LARGE1: variants seen among roughly 807,000 people sequenced by gnomAD.
LARGE1 encodes LARGE xylosyl- and glucuronyltransferase 1, also known as xylosyl- and glucuronyltransferase LARGE1.
In LARGE1, 43 loss-of-function variants were observed where a neutral mutation model predicts 87.6. The ratio of observed to expected loss-of-function variants is 0.49; its 90% CI spans 0.38 to 0.63. The LOEUF is 0.63. Among genes scored for constraint, LARGE1 ranks in the 30% least tolerant of loss-of-function variants. LARGE1 has a pLI of 0.00. For missense variants in LARGE1, 802 were observed against 1,000.2 expected (o/e 0.80, Z 2.67); for synonymous variants, 434 against 394.6 (o/e 1.10, Z -1.18).
intron 1 of LARGE1, among the ~76,000 whole-genome samples, chr22:33,774,278 T>TA (rs1289730892): frequency 5.9e-5 from 9 of 152,250 alleles, no homozygotes; most frequent in Non-Finnish European, 4.4e-5. Flanking sequence ...TGGCCACTCT[T>TA]ACAAAACTTA....
At chr22:33,094,272 T>C in the LARGE1 span, among the ~76,000 whole-genome samples, 1 of 152,086 alleles carries the variant, frequency 6.6e-6, no homozygotes, top group Non-Finnish European at 1.5e-5. Flanking sequence ...AATCGAGCCC[T>C]CTTCTCCACT....
intron 11 of LARGE1, among the ~76,000 whole-genome samples, chr22:33,191,626 G>C (rs1923784094): frequency 6.6e-6 from 1 of 152,192 alleles, no homozygotes; most frequent in African/African-American, 2.4e-5. Context: ...AGTTACAGGT[G>C]CTGTTGAAAT....
chr22:33,226,875 G>T (rs1033873533), intron 11 of LARGE1, among the ~76,000 whole-genome samples: 4 of 151,946 alleles, frequency 2.6e-5, no homozygotes, highest in Admixed American at 1.3e-4. Flanking sequence ...GACTACAGGC[G>T]CCTGCCGCCG....
At chr22:33,201,803 C>T (rs1019890863) in intron 11 of LARGE1, among the ~76,000 whole-genome samples, 2 of 152,116 alleles carry the variant, frequency 1.3e-5, no homozygotes, top group East Asian at 1.9e-4. Context: ...TCCGCTGAAG[C>T]GTTTTGAGCA....
intron 1 of LARGE1, among the ~76,000 whole-genome samples, chr22:33,853,381 CT>C (rs1198838369): frequency 2.0e-5 from 3 of 152,200 alleles, no homozygotes; most frequent in Non-Finnish European, 2.9e-5. Context: ...TCCATGCCAA[CT>C]TGCAAAGTGT....
chr22:33,880,032 G>A (rs1372480777), intron 1 of LARGE1, among the ~76,000 whole-genome samples: 1 of 152,202 alleles, frequency 6.6e-6, no homozygotes, highest in Non-Finnish European at 1.5e-5. Context: ...CTTGCATGGA[G>A]AGAGGCCAAG....
chr22:33,198,858 T>A (rs73395965), intron 11 of LARGE1, among the ~76,000 whole-genome samples: 4,739 of 152,302 alleles, frequency 0.031, 255 homozygotes, highest in African/African-American at 0.11. Flanking sequence ...CCTTTGGGTA[T>A]ATACCCAGTA....
intron 2 of LARGE1, among the ~76,000 whole-genome samples, chr22:33,675,358 A>G (rs952053151): frequency 1.3e-5 from 2 of 149,330 alleles, no homozygotes; most frequent in African/African-American, 2.4e-5. Flanking sequence ...GGTTCAGGAA[A>G]GGCATGCCTG....
rs5749608 is a variant in LARGE1, at chr22:33,374,579, G to C, written c.1131+7340C>G. On this transcript the variant is annotated intron_variant, in intron 9 of 14. Coordinates refer to ENST00000397394, the MANE Select transcript of LARGE1 (RefSeq NM_133642.5). ...TCCATGAATCAAAATTCTAACTTAA[G>C]TTTTATTGACCTGAAATTAACTTTT... Among the ~76,000 whole-genome samples, 35 of 152,148 alleles carry C rather than the reference G, an allele frequency of 2.3e-4. No individual in the cohort carries two copies. The East Asian group carries it at 6.6e-3, about 29-fold the overall frequency.
At chr22:33,770,758 A>T (rs976600619) in intron 1 of LARGE1, among the ~76,000 whole-genome samples, 5 of 152,150 alleles carry the variant, frequency 3.3e-5, no homozygotes, top group Admixed American at 1.3e-4. Context: ...TTAAAAAAAA[A>T]TTTTATGTGT....
intron 6 of LARGE1, among the ~76,000 whole-genome samples, chr22:33,560,989 T>G (rs1430236075): frequency 6.6e-6 from 1 of 152,128 alleles, no homozygotes; most frequent in Non-Finnish European, 1.5e-5. Context: ...TAATTTTTTG[T>G]ATTTTTAGTA....
intron 4 of LARGE1, among the ~76,000 whole-genome samples, chr22:33,611,253 T>C (rs2079420219): frequency 6.6e-6 from 1 of 151,974 alleles, no homozygotes; most frequent in South Asian, 2.1e-4. Context: ...TGCACCTTTG[T>C]GCTTGGAAAA....
chr22:33,694,821 G>C (rs1395332977), intron 2 of LARGE1, among the ~76,000 whole-genome samples: 1 of 152,162 alleles, frequency 6.6e-6, no homozygotes, highest in Non-Finnish European at 1.5e-5. Flanking sequence ...TCTAAAAGAT[G>C]ACTAGTGGTC....
intron 11 of LARGE1, among the ~76,000 whole-genome samples, chr22:33,304,756 T>C (rs1934641623): frequency 6.6e-6 from 1 of 152,210 alleles, no homozygotes; most frequent in Non-Finnish European, 1.5e-5. Flanking sequence ...CTATAAGCCT[T>C]GGACTCCTCG....
intron 5 of LARGE1, among the ~76,000 whole-genome samples, chr22:33,596,520 G>C (rs534819493): frequency 1.3e-5 from 2 of 152,134 alleles, no homozygotes; most frequent in Non-Finnish European, 2.9e-5. Flanking sequence ...AATTTTTCCA[G>C]ACCTGCGCAT....
intron 10 of LARGE1, among the ~76,000 whole-genome samples, chr22:33,330,020 C>A (rs58327654): frequency 0.093 from 14,005 of 151,182 alleles, 1,669 homozygotes; most frequent in African/African-American, 0.28. Flanking sequence ...CAAAAAAAAA[C>A]CCAACAAAAC....
chr22:33,116,599 G>A, the LARGE1 span, among the ~76,000 whole-genome samples: 3 of 151,548 alleles, frequency 2.0e-5, no homozygotes, highest in South Asian at 4.2e-4. Flanking sequence ...TCCTGACCTC[G>A]TGATCCGCCC....
intron 9 of LARGE1, among the ~76,000 whole-genome samples, chr22:33,350,521 G>A (rs1940264763): frequency 1.3e-5 from 2 of 152,186 alleles, no homozygotes; most frequent in South Asian, 4.1e-4. Context: ...CTAGAGGTTG[G>A]CATGGGATCC....
intron 5 of LARGE1, among the ~76,000 whole-genome samples, chr22:33,574,837 C>G (rs2078306114): frequency 6.6e-6 from 1 of 151,560 alleles, no homozygotes; most frequent in African/African-American, 2.4e-5. Flanking sequence ...TTGGAGAAGA[C>G]CAGGACCATA....
Sources: gnomAD v4.1 joint callset for allele counts (sites outside exome capture counted in the v4.1 genomes callset) on GRCh38, gnomAD v4.1.1 for gene constraint, MANE v1.5 for transcripts, NCBI Gene and HGNC (gene_info 2026-07-23, HGNC 2026-07-21) for gene names.